The following PGS1 variants were observed in gnomAD, a reference collection of about 807,000 sequenced individuals.
The protein encoded by PGS1 is phosphatidylglycerophosphate synthase 1.
PGS1 carries 44 observed loss-of-function variants against 58.3 expected under a neutral mutation model. The ratio of observed to expected loss-of-function variants is 0.75; its 90% CI spans 0.59 to 0.97. The LOEUF (loss-of-function observed/expected upper bound fraction) is 0.97. Among genes scored for constraint, PGS1 ranks in the 50% least tolerant of loss-of-function variants. The pLI, the probability that PGS1 is intolerant of heterozygous loss-of-function variation, is 0.00. For missense variants in PGS1, 684 were observed against 731.1 expected, an observed-to-expected ratio of 0.94 and a Z score of 0.74; for synonymous variants, 330 against 311.0, an observed-to-expected ratio of 1.06 and a Z score of -0.64.
At chr17:78,408,558 G>C (rs955557151) in intron 7 of PGS1, among the ~76,000 whole-genome samples, 4 of 152,352 alleles carry the variant, frequency 2.6e-5, no homozygotes, top group African/African-American at 9.6e-5. Flanking sequence ...GCCGAGGGCT[G>C]CTGCGCGTCC....
chr17:78,395,322 A>G (rs2083148648), intron 2 of PGS1, among the ~76,000 whole-genome samples: 1 of 152,222 alleles, frequency 6.6e-6, no homozygotes, highest in African/African-American at 2.4e-5. Flanking sequence ...AACAAAACAA[A>G]GGAAATAGCA....
chr17:78,397,352 G>A (rs550277416), intron 3 of PGS1, among the ~76,000 whole-genome samples: 14 of 152,232 alleles, frequency 9.2e-5, no homozygotes, highest in Non-Finnish European at 1.9e-4. Context: ...AGAGTTACTG[G>A]TGGGAGCTAT....
At chr17:78,388,435 C>T (rs952462290) in intron 1 of PGS1, among the ~76,000 whole-genome samples, 3 of 152,130 alleles carry the variant, frequency 2.0e-5, no homozygotes, top group Non-Finnish European at 4.4e-5. Context: ...TCTAGGGTCA[C>T]GCGATCGTCC....
chr17:78,409,333 C>A (rs1370981501), intron 7 of PGS1, among the ~76,000 whole-genome samples: 1 of 152,254 alleles, frequency 6.6e-6, no homozygotes, highest in African/African-American at 2.4e-5. Flanking sequence ...ATGTGGGTGG[C>A]TAGGGCGGAG....
chr17:78,391,909 C>T (rs550678288), intron 1 of PGS1, among the ~76,000 whole-genome samples: 11 of 152,318 alleles, frequency 7.2e-5, no homozygotes, highest in African/African-American at 2.2e-4. Flanking sequence ...TAGGCCTGAG[C>T]CACCATGCTC....
At chr17:78,410,949 C>T (rs1399663445) in intron 7 of PGS1, among the ~76,000 whole-genome samples, 1 of 152,156 alleles carries the variant, frequency 6.6e-6, no homozygotes, top group African/African-American at 2.4e-5. Context: ...CCTCCTAAGG[C>T]TTATACTTTG....
chr17:78,378,833 GTGCAGCCCTCGCGGC>G, intron 1 of PGS1, 25 bp downstream of exon 1: 2 of 1,394,546 alleles, frequency 1.4e-6, no homozygotes, highest in East Asian at 3.0e-5. Context: ...CGGGATGAGA[GTGCAGCCCTCGCGGC>G]TGCAGCCCGG....
At chr17:78,383,228 T>A (rs2082156721) in intron 1 of PGS1, among the ~76,000 whole-genome samples, 1 of 150,794 alleles carries the variant, frequency 6.6e-6, no homozygotes, top group Admixed American at 6.7e-5. Flanking sequence ...TCCAGCAGAT[T>A]GTTTTCAATT....
intron 7 of PGS1, among the ~76,000 whole-genome samples, chr17:78,413,019 G>C (rs1356010019): frequency 6.6e-6 from 1 of 152,234 alleles, no homozygotes; most frequent in African/African-American, 2.4e-5. Flanking sequence ...TGGGCAGCGT[G>C]AGCCATCTGG....
At chr17:78,413,169 G>A (rs2084871363) in intron 7 of PGS1, among the ~76,000 whole-genome samples, 2 of 152,230 alleles carry the variant, frequency 1.3e-5, no homozygotes, top group African/African-American at 2.4e-5. Context: ...TGTGGCCCTT[G>A]GAGGGGTGGA....
intron 9 of PGS1, chr17:78,423,830 T>TA (rs2086212137): frequency 5.8e-6 from 9 of 1,548,008 alleles, no homozygotes; most frequent in Non-Finnish European, 7.0e-6. Context: ...CTGTAAAGAA[T>TA]AAGTCACAGG....
At chr17:78,423,320 G>A (rs1457160856) in intron 9 of PGS1, among the ~76,000 whole-genome samples, 5 of 152,162 alleles carry the variant, frequency 3.3e-5, no homozygotes, top group Admixed American at 2.0e-4. Context: ...TGTGGGAACG[G>A]CTTGTTCTTC....
In PGS1 at chr17:78,424,095, G is replaced by T; in HGVS notation, c.*45G>T. On this transcript the variant is annotated 3_prime_UTR_variant, in exon 10 of 10. Transcript: ENST00000262764. ...TGATGAAGATGACAGGCATGGCCGG[G>T]GTCAGCTCTTTCAGCCGCGCTTCAG... The T allele has an allele frequency of 1.9e-6, 3 of 1,613,922 alleles. No homozygotes were observed. The highest frequency in any genetic ancestry group is 2.2e-5 in the South Asian group (2 of 91,088).
intron 9 of PGS1, among the ~76,000 whole-genome samples, chr17:78,423,330 C>T (rs1413764034): frequency 6.6e-6 from 1 of 152,122 alleles, no homozygotes; most frequent in African/African-American, 2.4e-5. Flanking sequence ...GCTTGTTCTT[C>T]TAGACTCTGG....
chr17:78,398,063 C>G (rs1448992126), intron 3 of PGS1, 189 bp from the exon 4 acceptor site: 4 of 665,344 alleles, frequency 6.0e-6, no homozygotes, highest in African/African-American at 3.5e-5. Context: ...CCCCTGGGTG[C>G]TTCTTCTGAT....
chr17:78,403,695 T>C lies in PGS1; in HGVS notation c.1008T>C (p.Asp336=). The change falls in exon 7 of 10, where the codon GAT becomes GAC. Residue 336 remains aspartate (D), a synonymous_variant. Coordinates refer to ENST00000262764, the MANE Select transcript of PGS1 (RefSeq NM_024419.5). ...FHSNSLLTQE[D]AAAAGDRRPA... is the part of the protein sequence containing the mutation. ...GCAACTCTCTTTTGACCCAGGAAGA[T>C]GCAGCAGCTGCTGGGGATCGCAGAC... is the stretch of plus-strand genomic sequence containing the variant. 6.2e-7 allele frequency: 1 copy of C among 1,614,230 alleles called. No homozygotes were observed. Among genetic ancestry groups the C allele is most frequent in the Non-Finnish European group, 8.5e-7 (1 of 1,180,032 alleles).
At chr17:78,419,147 A>G (rs1296807752) in intron 8 of PGS1, among the ~76,000 whole-genome samples, 1 of 152,094 alleles carries the variant, frequency 6.6e-6, no homozygotes, top group Non-Finnish European at 1.5e-5. Context: ...TGCTGGGGCT[A>G]CAGGCACACA....
chr17:78,397,704 G>C (rs561824644), intron 3 of PGS1, among the ~76,000 whole-genome samples: 3 of 152,192 alleles, frequency 2.0e-5, no homozygotes. Flanking sequence ...CAAAGTGCTG[G>C]GATTAGAGGC....
In PGS1 at chr17:78,404,395, C is replaced by T. The variant is rs75176894; in HGVS notation, c.1402+306C>T. 3.7e-3 allele frequency among the ~76,000 whole-genome samples: 565 copies of T among 151,644 alleles called. 1 individual carries two copies. The highest frequency in any genetic ancestry group is 0.013 in the African/African-American group (539 of 41,290). On this transcript the variant is annotated intron_variant, in intron 7 of 9. Transcript: ENST00000262764. ...TTCCCGGTTCAAGCAGTCCTCCCAC[C>T]GTAGCCTCCTGAGTAGCTGGGACTA...
Sources: allele counts gnomAD v4.1 joint callset (sites outside exome capture counted in the v4.1 genomes callset), GRCh38; gene constraint gnomAD v4.1.1; transcripts MANE v1.5; gene names NCBI Gene and HGNC (gene_info 2026-07-23, HGNC 2026-07-21).